The following SORCS2 variants were observed in gnomAD, a reference collection of about 807,000 sequenced individuals.
The protein encoded by SORCS2 is VPS10 domain-containing receptor SorCS2.
SORCS2 carries 100 observed loss-of-function variants against 141.6 expected under a neutral mutation model. The ratio of observed to expected loss-of-function variants is 0.71; its 90% CI spans 0.60 to 0.83. SORCS2 has a LOEUF of 0.83. Among genes scored for constraint, SORCS2 ranks in the 40% least tolerant of loss-of-function variants. The probability of loss-of-function intolerance (pLI) is 0.00; values close to 1 mark genes in which losing one functional copy is unlikely to be tolerated. For synonymous variants in SORCS2, 789 were observed against 676.9 expected, an observed-to-expected ratio of 1.17 and a Z score of -2.57; for missense variants, 1,646 against 1,560.2, an observed-to-expected ratio of 1.05 and a Z score of -0.93.
chr4:7,570,308 A>C (rs1231920739), intron 3 of SORCS2, among the ~76,000 whole-genome samples: 1 of 152,190 alleles, frequency 6.6e-6, no homozygotes, highest in Non-Finnish European at 1.5e-5. Context: ...CTTTGTACTC[A>C]CAGCCTCGAG....
rs556840534 is a variant in SORCS2, at chr4:7,333,478, A to C, written c.481-62810A>C. On this transcript the variant is annotated intron_variant, in intron 1 of 26. Transcript: ENST00000507866. Reference sequence around the variant, plus strand: ...TGGTGGGACGTGCTCCCTAAACTGCACAGGGCCCAGCCTGCAGGAGGGGCT... The same window carrying C: ...TGGTGGGACGTGCTCCCTAAACTGCCCAGGGCCCAGCCTGCAGGAGGGGCT... Among the ~76,000 whole-genome samples the C allele has an allele frequency of 8.5e-5, 13 of 152,284 alleles. No individual in the cohort carries two copies. The South Asian group carries it at 2.7e-3, about 32-fold the overall frequency.
At chr4:7,659,305 G>A (rs569016261) in intron 5 of SORCS2, among the ~76,000 whole-genome samples, 13 of 150,666 alleles carry the variant, frequency 8.6e-5, no homozygotes, top group East Asian at 3.9e-4. Flanking sequence ...AAAAAAATCC[G>A]TACTCCCCTC....
At chr4:7,706,605 G>GCAGGGATGAGGCTGGCCTCTGCCTGGA (rs1375308971) in intron 14 of SORCS2, among the ~76,000 whole-genome samples, 22 of 144,614 alleles carry the variant, frequency 1.5e-4, no homozygotes, top group African/African-American at 5.2e-4. Flanking sequence ...ATGAGGCTGG[G>GCAGGGATGAGGCTGGCCTCTGCCTGGA]CAGGGATGAG....
At chr4:7,377,265 T>G (rs1170660508) in intron 1 of SORCS2, among the ~76,000 whole-genome samples, 1 of 152,090 alleles carries the variant, frequency 6.6e-6, no homozygotes. Flanking sequence ...TTCTGGCTTG[T>G]TATAAAGAAA....
chr4:7,429,126 T>C (rs1272025119), intron 2 of SORCS2, among the ~76,000 whole-genome samples: 1 of 152,148 alleles, frequency 6.6e-6, no homozygotes, highest in East Asian at 1.9e-4. Context: ...TGCACTGCAT[T>C]GAGGCACATG....
intron 2 of SORCS2, among the ~76,000 whole-genome samples, chr4:7,481,180 A>G (rs1730605621): frequency 6.6e-6 from 1 of 152,202 alleles, no homozygotes; most frequent in African/African-American, 2.4e-5. Flanking sequence ...GGAGCCACAG[A>G]CTTTCCTGAG....
At chr4:7,310,742 T>G (rs1398790229) in intron 1 of SORCS2, among the ~76,000 whole-genome samples, 2 of 152,218 alleles carry the variant, frequency 1.3e-5, no homozygotes, top group African/African-American at 4.8e-5. Context: ...AGTTTGTCCC[T>G]GAAGATTCTA....
intron 1 of SORCS2, among the ~76,000 whole-genome samples, chr4:7,309,383 C>G (rs1200946726): frequency 6.6e-6 from 1 of 152,136 alleles, no homozygotes; most frequent in South Asian, 2.1e-4. Flanking sequence ...AGCCTCAGCC[C>G]GTCTGGCAGC....
chr4:7,717,269 C>T (rs1726253787), intron 17 of SORCS2, among the ~76,000 whole-genome samples: 2 of 151,800 alleles, frequency 1.3e-5, no homozygotes, highest in Admixed American at 1.3e-4. Flanking sequence ...GCTCATCCTC[C>T]CATTCTCGCT....
chr4:7,733,576 G>A (rs1397088102), intron 24 of SORCS2, among the ~76,000 whole-genome samples, 155 bp downstream of exon 24: 2 of 152,084 alleles, frequency 1.3e-5, no homozygotes, highest in East Asian at 1.9e-4. Context: ...CAGGTCAGAC[G>A]CAGGACCGCG....
intron 3 of SORCS2, among the ~76,000 whole-genome samples, chr4:7,533,720 T>C (rs28498733): frequency 6.6e-6 from 1 of 152,134 alleles, no homozygotes; most frequent in East Asian, 1.9e-4. Context: ...AGGTGTCACA[T>C]GGAGACTGGG....
rs887034769 is a variant in SORCS2 at position 7,740,922 on chromosome 4, T to C, written c.*658T>C. Reference sequence around the variant, plus strand: ...GGGTGGCTCTGTCAGAGTTCCGTACTCGGGAGCCCCTTTCCCTGAGTGCCC... The same window carrying C: ...GGGTGGCTCTGTCAGAGTTCCGTACCCGGGAGCCCCTTTCCCTGAGTGCCC... On this transcript the variant is annotated 3_prime_UTR_variant, in exon 27 of 27. Transcript: ENST00000507866. 2 of 398,020 alleles carry C rather than the reference T, an allele frequency of 5.0e-6. No homozygotes were observed. The highest frequency in any genetic ancestry group is 4.4e-6 in the Non-Finnish European group (1 of 226,368). 24.7% of individuals were successfully genotyped at this position (398,020 alleles called of 1,614,324 possible). A position where few individuals can be genotyped will look rare whatever the true frequency, so the allele number is the denominator to read the frequency against.
chr4:7,322,764 G>T (rs973453678), intron 1 of SORCS2, among the ~76,000 whole-genome samples: 8 of 152,166 alleles, frequency 5.3e-5, no homozygotes, highest in African/African-American at 1.9e-4. Flanking sequence ...GGATTCAAAT[G>T]GGGGAGGACC....
chr4:7,199,789 C>T (rs959462969), intron 1 of SORCS2, among the ~76,000 whole-genome samples: 2 of 152,132 alleles, frequency 1.3e-5, no homozygotes, highest in Admixed American at 6.5e-5. Flanking sequence ...CCTCTCTCTG[C>T]ACCCCCTCAA....
At chr4:7,693,163 G>T (rs1054061899) in intron 11 of SORCS2, among the ~76,000 whole-genome samples, 6 of 151,836 alleles carry the variant, frequency 4.0e-5, no homozygotes, top group Admixed American at 1.3e-4. Context: ...GCATCTGAAG[G>T]ATACCTCATC....
chr4:7,254,983 G>A (rs1268710720), intron 1 of SORCS2, among the ~76,000 whole-genome samples: 1 of 152,252 alleles, frequency 6.6e-6, no homozygotes, highest in East Asian at 1.9e-4. Flanking sequence ...GAGCATGGGT[G>A]GGAGGTGTCT....
chr4:7,639,696 T>A (rs1027247202), intron 4 of SORCS2, among the ~76,000 whole-genome samples: 1 of 136,264 alleles, frequency 7.3e-6, no homozygotes, highest in Non-Finnish European at 1.5e-5. Context: ...TGTGGGTGTC[T>A]GTGTGTGAAT....
At chr4:7,400,166 C>T (rs991531965) in intron 2 of SORCS2, among the ~76,000 whole-genome samples, 4 of 152,078 alleles carry the variant, frequency 2.6e-5, no homozygotes, top group Non-Finnish European at 5.9e-5. Context: ...TACCCCATCC[C>T]CAGTCTCAGC....
chr4:7,708,969 T>A (rs959903867), intron 14 of SORCS2, among the ~76,000 whole-genome samples: 8 of 152,204 alleles, frequency 5.3e-5, no homozygotes, highest in Non-Finnish European at 1.5e-5. Context: ...CATAAAATCC[T>A]TCATGACTTT....
Sources: allele counts gnomAD v4.1 joint callset (sites outside exome capture counted in the v4.1 genomes callset), GRCh38; gene constraint gnomAD v4.1.1; transcripts MANE v1.5; gene names NCBI Gene and HGNC (gene_info 2026-07-23, HGNC 2026-07-21).